Variants in COL17A1 observed in about 807,000 individuals in gnomAD.
The protein encoded by COL17A1 is collagen type XVII alpha 1 chain.
In COL17A1, 181 loss-of-function variants were observed where a neutral mutation model predicts 218.4. That is an observed-to-expected ratio of 0.83 (90% confidence interval 0.73 to 0.94). The LOEUF is 0.94. Among genes scored for constraint, COL17A1 ranks in the 40% least tolerant of loss-of-function variants. The pLI, the probability that COL17A1 is intolerant of heterozygous loss-of-function variation, is 0.00. For synonymous variants in COL17A1, 721 were observed against 731.0 expected, an observed-to-expected ratio of 0.99 and a Z score of 0.22; for missense variants, 1,924 against 1,945.9, an observed-to-expected ratio of 0.99 and a Z score of 0.21.
intron 6 of COL17A1, 47 bp from the exon 7 acceptor site, chr10:104,073,292 T>A (rs750986588): frequency 6.4e-7 from 1 of 1,560,186 alleles, no homozygotes; most frequent in Non-Finnish European, 8.8e-7. Context: ...AGAGGTGGCA[T>A]GCTAAATACT....
chr10:104,061,138 A>T (rs1185589227), intron 13 of COL17A1, among the ~76,000 whole-genome samples: 1 of 152,182 alleles, frequency 6.6e-6, no homozygotes, highest in Non-Finnish European at 1.5e-5. Context: ...CTAATGTGCA[A>T]GTGCCTGGCC....
chr10:104,056,083 G>A, intron 17 of COL17A1, 80 bp from the exon 18 acceptor site: 1 of 1,528,416 alleles, frequency 6.5e-7, no homozygotes, highest in Non-Finnish European at 9.1e-7. Flanking sequence ...TGGAGAGCCT[G>A]ACACAAGGGA....
Position 104,032,965 on chromosome 10 carries a change from T to C in COL17A1, c.4298A>G (p.Tyr1433Cys). The C allele has an allele frequency of 6.2e-7, 1 of 1,613,800 alleles. No individual in the cohort carries two copies. Among genetic ancestry groups the C allele is most frequent in the East Asian group, 2.2e-5 (1 of 44,880 alleles). ...TADLMDFFQTYGAIQGPPGQK... is the reference protein window; with the variant it reads ...TADLMDFFQTCGAIQGPPGQK... Reference sequence around the variant, plus strand: ...CCCAGGGGGTCCTTGAATGGCTCCATAAGCTGCAAAAGCAAGGAAACACTG... The same window carrying C: ...CCCAGGGGGTCCTTGAATGGCTCCACAAGCTGCAAAAGCAAGGAAACACTG... Residue 1433 changes from tyrosine to cysteine, a missense_variant, in exon 54 of 56, where the codon TAT becomes TGT. By Grantham distance (194) the Tyr-to-Cys change is radical. Transcript: ENST00000648076.
chr10:104,049,155 C>A (rs2086442556), intron 29 of COL17A1, among the ~76,000 whole-genome samples: 1 of 152,160 alleles, frequency 6.6e-6, no homozygotes, highest in Non-Finnish European at 1.5e-5. Flanking sequence ...GGGGAGCTCA[C>A]AGGCAGCTCT....
At position 104,034,096 on chromosome 10, in the gene COL17A1, AC is replaced by A. The variant is rs1821554229; in HGVS notation, c.4004del (p.Gly1335ValfsTer44). On this transcript the variant is annotated frameshift_variant, in exon 52 of 56. Coordinates refer to ENST00000648076, the MANE Select transcript of COL17A1 (RefSeq NM_000494.4). LOFTEE classifies it high-confidence loss of function. ...GAFGEAAGDR[G>X]PYGTDIGPGG... ...CTGGGCCGATGTCAGTGCCATAGGG[AC>A]CCCTGTCTCCTGCAGCTTCACCAAA... 4 of 1,613,964 alleles carry A rather than the reference AC, an allele frequency of 2.5e-6. No homozygotes were observed. Among genetic ancestry groups the A allele is most frequent in the Non-Finnish European group, 3.4e-6 (4 of 1,179,998 alleles).
At chr10:104,063,292 A>G (rs2086598654) in intron 11 of COL17A1, among the ~76,000 whole-genome samples, 1 of 152,262 alleles carries the variant, frequency 6.6e-6, no homozygotes, top group Admixed American at 6.5e-5. Context: ...TTTGCATTGG[A>G]AGATAAGCAG....
chr10:104,041,094 C>T lies in COL17A1; in HGVS notation c.2672G>A (p.Gly891Asp), dbSNP rs777330022. Residue 891 changes from glycine (G) to aspartate (D), a missense_variant, in exon 39 of 56, where the codon GGC (glycine) becomes GAC (aspartate). Gly to Asp is a moderately conservative substitution (Grantham distance 94). Transcript: ENST00000648076. ...GTTGGACAGGAACGATCCTGGTGGG[C>T]CTGGTGGGCCTGGCAAACCCTCCCC... Reference protein sequence around the residue: ...PPGEGLPGPPGPPGSFLSNSE... With the variant: ...PPGEGLPGPPDPPGSFLSNSE... The T allele has an allele frequency of 6.2e-7, 1 of 1,614,170 alleles. No individual in the cohort carries two copies. The highest frequency in any genetic ancestry group is 1.1e-5 in the South Asian group (1 of 91,078).
intron 8 of COL17A1, among the ~76,000 whole-genome samples, chr10:104,071,035 A>T (rs895283101): frequency 3.3e-5 from 5 of 152,194 alleles, no homozygotes; most frequent in African/African-American, 1.2e-4. Flanking sequence ...CCTAAATATT[A>T]TGCTGTGTTC....
chr10:104,043,203 C>G (rs11818635), intron 35 of COL17A1, among the ~76,000 whole-genome samples: 1,868 of 152,260 alleles, frequency 0.012, 36 homozygotes, highest in African/African-American at 0.043. Flanking sequence ...TGGGCCAAAT[C>G]CTTTGTCCTG....
At chr10:104,036,103 GGA>G (rs376064813) in intron 48 of COL17A1, among the ~76,000 whole-genome samples, 9 of 658 alleles carry the variant, frequency 0.014, no homozygotes, top group South Asian at 0.071. Context: ...TGTGTGTATG[GGA>G]GTGTGTGTGT....
At chr10:104,046,587 C>A (rs1316013244) in intron 32 of COL17A1, among the ~76,000 whole-genome samples, 160 bp downstream of exon 32, 1 of 152,144 alleles carries the variant, frequency 6.6e-6, no homozygotes, top group Admixed American at 6.5e-5. Flanking sequence ...GCCTATTTTT[C>A]CTTCCTAAGG....
At chr10:104,038,189 C>T (rs1327047208) in intron 45 of COL17A1, among the ~76,000 whole-genome samples, 2 of 151,724 alleles carry the variant, frequency 1.3e-5, no homozygotes, top group East Asian at 1.9e-4. Flanking sequence ...GTAGGCCTGG[C>T]TCTGCAGGGG....
In COL17A1 at chr10:104,035,253, A is replaced by AC. The variant is rs748702930; in HGVS notation, c.3619+9_3619+10insG. 3 of 1,609,298 alleles carry AC rather than the reference A, an allele frequency of 1.9e-6. No homozygotes were observed. The South Asian group carries it at 3.3e-5, about 18-fold the overall frequency. Reference sequence around the variant, plus strand: ...CCCTGCCCTCCCCATCCCACTCCACAGTGCCCTACTATGTAAGTAAGACGA... The same window carrying AC: ...CCCTGCCCTCCCCATCCCACTCCACACGTGCCCTACTATGTAAGTAAGACGA... On this transcript the variant is annotated intron_variant, in intron 50 of 55. Transcript: ENST00000648076.
At chr10:104,064,333 C>T in intron 10 of COL17A1, 105 bp downstream of exon 10, 16 of 1,575,438 alleles carry the variant, frequency 1.0e-5, no homozygotes, top group Non-Finnish European at 1.4e-5. Flanking sequence ...GAAAGCCTCT[C>T]CAGGAGGCCC....
At chr10:104,074,106 C>T in intron 6 of COL17A1, 78 bp downstream of exon 6, 1 of 1,609,346 alleles carries the variant, frequency 6.2e-7, no homozygotes, top group Non-Finnish European at 8.5e-7. Context: ...GTCCCCTACT[C>T]CCACCACTTC....
In COL17A1 at chr10:104,034,509, C is replaced by T. The variant is rs189382395; in HGVS notation, c.3766+112G>A. 2,686 of 1,522,082 alleles carry T rather than the reference C, an allele frequency of 1.8e-3. 40 individuals carry two copies. In the African/African-American group the frequency reaches 0.029, roughly 16 times the overall value. 94.3% of individuals were successfully genotyped at this position (1,522,082 alleles called of 1,614,324 possible). A position where few individuals can be genotyped will look rare whatever the true frequency, so the allele number is the denominator to read the frequency against. Reference sequence around the variant, plus strand: ...GTGGAAGGAAACCGGGCTTACCCCACCAGTGGCTCTCGTGTGGCCTTCCTG... The same window carrying T: ...GTGGAAGGAAACCGGGCTTACCCCATCAGTGGCTCTCGTGTGGCCTTCCTG... On this transcript the variant is annotated intron_variant, in intron 51 of 55. Transcript: ENST00000648076.
chr10:104,037,062 A>G lies in COL17A1; in HGVS notation c.3260T>C (p.Ile1087Thr), dbSNP rs201992253. The change falls in exon 47 of 56, where the codon ATT becomes ACT. Residue 1087 changes from isoleucine to threonine, a missense_variant. Physicochemically the swap from Ile to Thr is moderately conservative, Grantham distance 89. Coordinates refer to ENST00000648076, the MANE Select transcript of COL17A1 (RefSeq NM_000494.4). ...LFSSSISSED[I>T]LAVLQRDDVR... ...TGACTCACGCTGCAGCACAGCCAGAATGTCTTCAGAAGAGATGGAGGACGA... is the reference window on the plus strand; with the variant it reads ...TGACTCACGCTGCAGCACAGCCAGAGTGTCTTCAGAAGAGATGGAGGACGA... The G allele has an allele frequency of 1.3e-5, 21 of 1,606,852 alleles. No individual in the cohort carries two copies. Among genetic ancestry groups the G allele is most frequent in the Non-Finnish European group, 2.5e-6 (3 of 1,177,506 alleles).
chr10:104,073,349 G>A, intron 6 of COL17A1, 104 bp from the exon 7 acceptor site: 1 of 996,874 alleles, frequency 1.0e-6, no homozygotes, highest in Non-Finnish European at 1.6e-6. Context: ...CTTTCATAGT[G>A]TGTCTAAATC....
rs550596897 is a variant in COL17A1 at position 104,033,979 on chromosome 10, A to C, written c.4122T>G (p.Asn1374Lys). ...GADFAGDLDY[N>K]ELAVRVSESM... ...TCTCTGACACCCTCACAGCCAGCTC[A>C]TTGTAATCCAGATCTCCAGCAAAGT... is the stretch of plus-strand genomic sequence containing the variant. Residue 1374 changes from asparagine (N) to lysine (K), a missense_variant, in exon 52 of 56, where the codon AAT (asparagine) becomes AAG (lysine). Physicochemically the swap from Asn to Lys is moderately conservative, Grantham distance 94. Transcript: ENST00000648076. 3.1e-6 allele frequency: 5 copies of C among 1,614,094 alleles called. 1 individual carries two copies. The highest frequency in any genetic ancestry group is 4.2e-6 in the Non-Finnish European group (5 of 1,179,992).
Sources: gnomAD v4.1 joint callset for allele counts (sites outside exome capture counted in the v4.1 genomes callset) on GRCh38, gnomAD v4.1.1 for gene constraint, MANE v1.5 for transcripts, NCBI Gene and HGNC (gene_info 2026-07-23, HGNC 2026-07-21) for gene names.